SIN3B: variants seen among roughly 807,000 people sequenced by gnomAD.
SIN3B encodes the protein paired amphipathic helix protein Sin3b.
Under a neutral mutation model 120.2 loss-of-function variants are expected in SIN3B, and 19 were observed. That is an observed-to-expected ratio of 0.16 (90% CI 0.11 to 0.23). The LOEUF is 0.23. SIN3B is among the 10% of genes least tolerant of loss of function. The pLI is 1.00. For missense variants in SIN3B, 1,073 were observed against 1,573.0 expected (o/e 0.68, Z 5.38); for synonymous variants, 654 against 653.2 (o/e 1.00, Z -0.02).
intron 6 of SIN3B, among the ~76,000 whole-genome samples, chr19:16,851,761 A>G (rs1462104109): frequency 6.6e-6 from 1 of 152,192 alleles, no homozygotes. Flanking sequence ...AGGAGGAGGA[A>G]GGAGTGTTAA....
At chr19:16,849,115 A>G (rs961128699) in intron 5 of SIN3B, among the ~76,000 whole-genome samples, 1 of 152,232 alleles carries the variant, frequency 6.6e-6, no homozygotes, top group Non-Finnish European at 1.5e-5. Context: ...TATTAAAAGC[A>G]CTGCATCTGT....
chr19:16,876,655 A>C lies in SIN3B; in HGVS notation c.2859+77A>C, dbSNP rs2051612860. On this transcript the variant is annotated intron_variant, in intron 16 of 18. Coordinates refer to ENST00000248054, the MANE Select transcript of SIN3B (RefSeq NM_001297595.2). The surrounding 1 kb of genome is among the most constrained non-coding windows in gnomAD (Gnocchi z 7.1). ...CAGCAGCATGGGGCTCCCACCAGCC[A>C]AGCGCAGGCCGCGCAGCATCCAGAG... 1.7e-6 allele frequency: 2 copies of C among 1,175,072 alleles called. No individual in the cohort carries two copies. Among genetic ancestry groups the C allele is most frequent in the African/African-American group, 1.5e-5 (1 of 66,256 alleles). 72.8% of individuals were successfully genotyped at this position (1,175,072 alleles called of 1,614,324 possible).
chr19:16,869,356 T>A, intron 12 of SIN3B, 104 bp from the exon 13 acceptor site: 1 of 1,420,028 alleles, frequency 7.0e-7, no homozygotes, highest in Non-Finnish European at 9.4e-7. Context: ...TGGGCAGCGC[T>A]CATCCACCTT....
intron 5 of SIN3B, among the ~76,000 whole-genome samples, chr19:16,850,960 A>G (rs375112545): frequency 0.01 from 1,288 of 122,682 alleles, 15 homozygotes; most frequent in African/African-American, 0.035. Flanking sequence ...AGACTTCAAA[A>G]CCTGGCCCCA....
Position 16,862,780 on chromosome 19 carries a change from A to G in SIN3B, c.1266+221A>G. 1 of 1,053,158 alleles carries G rather than the reference A, an allele frequency of 9.5e-7. No individual in the cohort carries two copies. Among genetic ancestry groups the G allele is most frequent in the African/African-American group, 1.6e-5 (1 of 64,268 alleles). 65.2% of individuals were successfully genotyped at this position (1,053,158 alleles called of 1,614,324 possible). ...TTTGGCAAAACACAGAGTGCCAGGG[A>G]TAACGTGGAGTTCGGCTTATTCATC... On this transcript the variant is annotated intron_variant, in intron 9 of 18. Coordinates refer to ENST00000248054, the MANE Select transcript of SIN3B (RefSeq NM_001297595.2). This position sits in a 1 kb window ranked among gnomAD's most constrained non-coding sequence, Gnocchi z 4.7.
At chr19:16,840,244 AT>A (rs1219127812) in intron 3 of SIN3B, among the ~76,000 whole-genome samples, 5 of 152,066 alleles carry the variant, frequency 3.3e-5, no homozygotes, top group African/African-American at 1.2e-4. Context: ...TGAAGAGGTG[AT>A]TTAACTGAGG....
At chr19:16,877,520 G>A (rs1176565140) in intron 16 of SIN3B, 25 bp from the exon 17 acceptor site, 8 of 1,562,178 alleles carry the variant, frequency 5.1e-6, no homozygotes, top group Middle Eastern at 1.7e-4. Flanking sequence ...GGGGCATCAC[G>A]GGCTGTGTCT....
chr19:16,874,038 G>A (rs1423534393), intron 14 of SIN3B, among the ~76,000 whole-genome samples: 1 of 152,208 alleles, frequency 6.6e-6, no homozygotes, highest in Non-Finnish European at 1.5e-5. Flanking sequence ...ACCAGGGCCT[G>A]GGCTGTGCAG....
At chr19:16,866,605 C>T in intron 12 of SIN3B, 49 bp downstream of exon 12, 2 of 1,570,244 alleles carry the variant, frequency 1.3e-6, no homozygotes, top group Non-Finnish European at 1.7e-6. Context: ...GGTCCTGGCT[C>T]TCCCGACCGC....
At chr19:16,859,651 T>C (rs1464021556) in intron 8 of SIN3B, among the ~76,000 whole-genome samples, 1 of 152,076 alleles carries the variant, frequency 6.6e-6, no homozygotes, top group African/African-American at 2.4e-5. Flanking sequence ...AGCAGGATGG[T>C]GTTACTCTAG....
rs1267418666 is a variant in SIN3B at position 16,840,930 on chromosome 19, G to T, written c.382-838G>T. On this transcript the variant is annotated intron_variant, in intron 3 of 18. Transcript: ENST00000248054. Reference sequence around the variant, plus strand: ...CTAGGAGGTGGCGTCATTTTACTTTGGTGAAAGAGCGTTCTCTAGGACTCA... The same window carrying T: ...CTAGGAGGTGGCGTCATTTTACTTTTGTGAAAGAGCGTTCTCTAGGACTCA... 4.6e-5 allele frequency among the ~76,000 whole-genome samples: 7 copies of T among 152,118 alleles called. No homozygotes were observed. The East Asian group carries it at 1.3e-3, about 29-fold the overall frequency.
chr19:16,860,297 G>A (rs1266023145), intron 8 of SIN3B, among the ~76,000 whole-genome samples: 2 of 152,188 alleles, frequency 1.3e-5, no homozygotes, highest in Admixed American at 1.3e-4. Context: ...ACTGCCCCTC[G>A]CAGCTGGCAG....
intron 3 of SIN3B, among the ~76,000 whole-genome samples, chr19:16,836,511 A>G (rs1971350755): frequency 6.6e-6 from 1 of 152,202 alleles, no homozygotes; most frequent in African/African-American, 2.4e-5. Flanking sequence ...ATGTATTTCA[A>G]AACGGCTAGG....
At chr19:16,858,288 G>A (rs1203532934) in intron 8 of SIN3B, among the ~76,000 whole-genome samples, 1 of 152,032 alleles carries the variant, frequency 6.6e-6, no homozygotes, top group African/African-American at 2.4e-5. Context: ...CCCTGTCCCT[G>A]TTATTTCTGT....
At chr19:16,856,760 TG>T (rs1175277269) in intron 8 of SIN3B, among the ~76,000 whole-genome samples, 1 of 152,062 alleles carries the variant, frequency 6.6e-6, no homozygotes, top group African/African-American at 2.4e-5. Flanking sequence ...TTAGTAGAGA[TG>T]GGGTTTTGCC....
chr19:16,872,430 T>G (rs2051523380), intron 14 of SIN3B: 1 of 152,016 alleles, frequency 6.6e-6, no homozygotes, highest in East Asian at 1.9e-4. Flanking sequence ...CAACCCTGAT[T>G]TCTTTTTCTT....
At chr19:16,836,325 T>G (rs1262462798) in intron 3 of SIN3B, among the ~76,000 whole-genome samples, 2 of 152,114 alleles carry the variant, frequency 1.3e-5, no homozygotes, top group Admixed American at 1.3e-4. Context: ...CCGTGGTGTG[T>G]GGCCAGTGAC....
intron 14 of SIN3B, 152 bp from the exon 15 acceptor site, chr19:16,875,903 C>G: frequency 1.1e-6 from 1 of 940,348 alleles, no homozygotes; most frequent in South Asian, 1.7e-5. Flanking sequence ...GTCTGGTCTG[C>G]CCACAGCCTG....
Position 16,836,317 on chromosome 19 carries a change from G to A in SIN3B, c.381+4670G>A, listed in dbSNP as rs563494470. Among the ~76,000 whole-genome samples, 89 of 152,274 alleles carry A rather than the reference G, an allele frequency of 5.8e-4. No homozygotes were observed. In the South Asian group the frequency reaches 0.011, roughly 19 times the overall value. On this transcript the variant is annotated intron_variant, in intron 3 of 18. Transcript: ENST00000248054. ...CTAAAGGGGAAGACAGACACAGGCC[G>A]TGGTGTGTGGCCAGTGACGACCTGG... is the stretch of plus-strand genomic sequence containing the variant.
Sources: gnomAD v4.1 joint callset for allele counts (sites outside exome capture counted in the v4.1 genomes callset) on GRCh38, gnomAD v4.1.1 for gene constraint, Gnocchi (gnomAD v3.1) non-coding constraint, MANE v1.5 for transcripts, NCBI Gene and HGNC (gene_info 2026-07-23, HGNC 2026-07-21) for gene names.